The following CCDC138 variants were observed in gnomAD, a reference collection of about 807,000 sequenced individuals.
CCDC138 encodes coiled-coil domain containing 138.
CCDC138 carries 66 observed loss-of-function variants against 82.3 expected under a neutral mutation model. That is an observed-to-expected ratio of 0.80 (90% CI 0.66 to 0.98). The LOEUF is 0.98. Ranked by LOEUF, CCDC138 falls within the 50% of genes least tolerant of loss-of-function variation. CCDC138 has a pLI of 0.00. For synonymous variants in CCDC138, 297 were observed against 265.4 expected, an observed-to-expected ratio of 1.12 and a Z score of -1.16; for missense variants, 816 against 758.9, an observed-to-expected ratio of 1.08 and a Z score of -0.88.
chr2:108,797,811 G>A (rs1320556203), intron 5 of CCDC138, among the ~76,000 whole-genome samples: 1 of 152,172 alleles, frequency 6.6e-6, no homozygotes, highest in Non-Finnish European at 1.5e-5. Flanking sequence ...TTCCAAATTA[G>A]TAGAATGGAG....
At chr2:108,848,317 T>C (rs940925055) in intron 12 of CCDC138, among the ~76,000 whole-genome samples, 1 of 152,174 alleles carries the variant, frequency 6.6e-6, no homozygotes. Context: ...TCACCACTTG[T>C]GTGCAGCAGT....
chr2:108,837,597 C>T (rs1006712366), intron 10 of CCDC138, among the ~76,000 whole-genome samples: 2 of 152,214 alleles, frequency 1.3e-5, no homozygotes, highest in Non-Finnish European at 2.9e-5. Flanking sequence ...TAGCAGAACA[C>T]ATTACTCACA....
intron 3 of CCDC138, among the ~76,000 whole-genome samples, chr2:108,791,176 A>G (rs1480075906): frequency 4.6e-5 from 7 of 152,172 alleles, no homozygotes; most frequent in African/African-American, 1.7e-4. Context: ...AAAATTTTAA[A>G]TTACCTATAT....
chr2:108,798,280 C>G (rs1681244847), intron 5 of CCDC138, 148 bp from the exon 6 acceptor site: 1 of 683,010 alleles, frequency 1.5e-6, no homozygotes. Context: ...ACTTGCTATA[C>G]TAGTCTAGCT....
rs368904387 is a variant in CCDC138, at chr2:108,794,747, A to G, written c.576+26A>G. ...GTAAGAACTAAATACTGAATCGAGA[A>G]TTCAGAAATATTTATGTTCTAAGAA... On this transcript the variant is annotated intron_variant, in intron 5 of 14. Transcript: ENST00000295124. The G allele has an allele frequency of 3.3e-5, 50 of 1,498,984 alleles. No individual in the cohort carries two copies. In the African/African-American group the frequency reaches 6.3e-4, roughly 19 times the overall value. 92.9% of individuals were successfully genotyped at this position (1,498,984 alleles called of 1,614,324 possible).
intron 12 of CCDC138, among the ~76,000 whole-genome samples, chr2:108,849,813 A>G (rs377393286): frequency 7.1e-4 from 108 of 152,310 alleles, no homozygotes; most frequent in African/African-American, 2.5e-3. Flanking sequence ...GTGTTCATCT[A>G]CTACCTGGGG....
Position 108,786,853 on chromosome 2 carries a change from C to T in CCDC138, c.31C>T (p.Gln11Ter). 6.3e-7 allele frequency: 1 copy of T among 1,593,770 alleles called. No homozygotes were observed. The highest frequency in any genetic ancestry group is 1.1e-5 in the South Asian group (1 of 87,620). Residue 11 changes from glutamine (Q) to a stop codon, truncating the protein, a stop_gained, in exon 1 of 15, where the codon CAG (glutamine) becomes TAG (stop). Transcript: ENST00000295124. LOFTEE classifies it high-confidence loss of function. ...GCCGAGGGTCGTCAAGCCACCGGGG[C>T]AGGATTTAGTAGTGGAGAGTCTCAA... is the stretch of plus-strand genomic sequence containing the variant. MEPRVVKPPGQDLVVESLKSR... is the reference protein window; with the variant it reads MEPRVVKPPG
At chr2:108,819,928 C>G (rs1259450379) in intron 10 of CCDC138, among the ~76,000 whole-genome samples, 1 of 152,014 alleles carries the variant, frequency 6.6e-6, no homozygotes, top group African/African-American at 2.4e-5. Flanking sequence ...AAAGAGAACA[C>G]AAAAAACTAA....
chr2:108,869,356 T>C (rs1025551219), intron 13 of CCDC138, among the ~76,000 whole-genome samples: 1 of 152,180 alleles, frequency 6.6e-6, no homozygotes, highest in Non-Finnish European at 1.5e-5. Flanking sequence ...GGCCCAGTTC[T>C]CCATTCCCTT....
At chr2:108,795,347 G>T (rs995571418) in intron 5 of CCDC138, among the ~76,000 whole-genome samples, 23 of 151,786 alleles carry the variant, frequency 1.5e-4, no homozygotes, top group Non-Finnish European at 2.2e-4. Flanking sequence ...GTAGAGATGG[G>T]GTTTCACCAT....
intron 13 of CCDC138, among the ~76,000 whole-genome samples, chr2:108,867,644 T>A (rs535103096): frequency 3.7e-4 from 56 of 152,334 alleles, no homozygotes; most frequent in African/African-American, 1.3e-3. Flanking sequence ...TGAAAAAAAA[T>A]ACTGAAGAGG....
At chr2:108,845,954 G>C (rs1690391966) in intron 11 of CCDC138, among the ~76,000 whole-genome samples, 1 of 151,924 alleles carries the variant, frequency 6.6e-6, no homozygotes, top group Admixed American at 6.6e-5. Flanking sequence ...TTTCTATTTT[G>C]CCCATTTTTT....
chr2:108,794,394 A>G (rs1334186133), intron 4 of CCDC138, 146 bp from the exon 5 acceptor site: 2 of 714,028 alleles, frequency 2.8e-6, no homozygotes, highest in African/African-American at 1.8e-5. Flanking sequence ...CCACTTTACC[A>G]TATTTGCTAT....
chr2:108,856,881 T>C lies in CCDC138; in HGVS notation c.1604T>C (p.Val535Ala). 6.2e-7 allele frequency: 1 copy of C among 1,613,296 alleles called. No individual in the cohort carries two copies. ...GKTLFLEYQA[V>A]PVILSHLRIS... ...ACCTTGTTTTTGGAGTATCAGGCTG[T>C]TCCAGTAATATTAAGTCATCTAAGA... Residue 535 changes from valine (V) to alanine (A), a missense_variant, in exon 13 of 15, where the codon GTT becomes GCT. By Grantham distance (64) the Val-to-Ala change is moderately conservative. Transcript: ENST00000295124.
chr2:108,798,658 T>G (rs1681320443), intron 6 of CCDC138, 72 bp downstream of exon 6: 5 of 1,188,720 alleles, frequency 4.2e-6, no homozygotes, highest in Non-Finnish European at 6.0e-6. Flanking sequence ...GTTACTAACA[T>G]TTTGTCACAT....
intron 7 of CCDC138, among the ~76,000 whole-genome samples, chr2:108,809,381 G>A (rs1355318726): frequency 2.0e-5 from 3 of 151,466 alleles, no homozygotes; most frequent in East Asian, 3.9e-4. Context: ...TAAACATTAT[G>A]TTGAATCTGT....
intron 5 of CCDC138, among the ~76,000 whole-genome samples, chr2:108,796,616 TACACAATGGAATA>T (rs1680954068): frequency 6.6e-6 from 1 of 152,198 alleles, no homozygotes; most frequent in South Asian, 2.1e-4. Flanking sequence ...GTGGTATCTA[TACACAATGGAATA>T]TTATTCAGCC....
chr2:108,861,472 C>CTTTTTTT (rs201132350), intron 13 of CCDC138, among the ~76,000 whole-genome samples: 1 of 123,552 alleles, frequency 8.1e-6, no homozygotes, highest in Non-Finnish European at 1.6e-5. Flanking sequence ...AACTTTCTTC[C>CTTTTTTT]TTTTTTTTTT....
chr2:108,855,660 T>G (rs1339444529), intron 12 of CCDC138, among the ~76,000 whole-genome samples: 1 of 152,134 alleles, frequency 6.6e-6, no homozygotes, highest in Non-Finnish European at 1.5e-5. Context: ...AAAAATGGAG[T>G]GTACTATAAT....
Sources: gnomAD v4.1 joint callset for allele counts (sites outside exome capture counted in the v4.1 genomes callset) on GRCh38, gnomAD v4.1.1 for gene constraint, MANE v1.5 for transcripts, NCBI Gene and HGNC (gene_info 2026-07-23, HGNC 2026-07-21) for gene names.